The following PADI2 variants were observed in gnomAD, a reference collection of about 807,000 sequenced individuals.
The protein encoded by PADI2 is protein-arginine deiminase type-2.
A neutral mutation model predicts 81.1 loss-of-function variants in PADI2; 70 were observed. That is an observed-to-expected ratio of 0.86 (90% confidence interval 0.71 to 1.05). PADI2 has a LOEUF of 1.05. Ranked by LOEUF, PADI2 falls within the 50% of genes least tolerant of loss-of-function variation. PADI2 has a pLI of 0.00. For synonymous variants in PADI2, 338 were observed against 358.0 expected, an observed-to-expected ratio of 0.94 and a Z score of 0.63; for missense variants, 853 against 889.9, an observed-to-expected ratio of 0.96 and a Z score of 0.53.
intron 6 of PADI2, among the ~76,000 whole-genome samples, chr1:17,089,859 G>A (rs1418819401): frequency 6.6e-6 from 1 of 152,110 alleles, no homozygotes; most frequent in Non-Finnish European, 1.5e-5. Flanking sequence ...CCAGGCATTG[G>A]CTGGCACGTG....
chr1:17,098,278 T>C (rs1931017569), intron 3 of PADI2, among the ~76,000 whole-genome samples: 1 of 152,166 alleles, frequency 6.6e-6, no homozygotes, highest in African/African-American at 2.4e-5. Context: ...AAGTGCCCAT[T>C]TCCCCACCTT....
chr1:17,079,310 T>G lies in PADI2; in HGVS notation c.1264A>C (p.Lys422Gln), dbSNP rs1253863330. The change falls in exon 11 of 16, where the codon AAG (lysine) becomes CAG (glutamine). Residue 422 changes from lysine to glutamine, a missense_variant. By Grantham distance (53) the Lys-to-Gln change is moderately conservative. Coordinates refer to ENST00000375486, the MANE Select transcript of PADI2 (RefSeq NM_007365.3). Reference protein sequence around the residue: ...EVSPPVTVNGKTYPLGRILIG... With the variant: ...EVSPPVTVNGQTYPLGRILIG... ...AGGATGCGGCCAAGCGGGTATGTCT[T>G]GCCGTTCACGGTCACTGGGGGACTG... The G allele has an allele frequency of 6.2e-7, 1 of 1,614,106 alleles. No homozygotes were observed. The highest frequency in any genetic ancestry group is 2.2e-5 in the East Asian group (1 of 44,870).
chr1:17,119,186 C>A lies in PADI2; in HGVS notation c.92+94G>T. 2 of 871,752 alleles carry A rather than the reference C, an allele frequency of 2.3e-6. No individual in the cohort carries two copies. The highest frequency in any genetic ancestry group is 3.2e-5 in the Admixed American group (1 of 31,006). 54.0% of individuals were successfully genotyped at this position (871,752 alleles called of 1,614,324 possible). On this transcript the variant is annotated intron_variant, in intron 1 of 15. Transcript: ENST00000375486. The surrounding 1 kb of genome is among the most constrained non-coding windows in gnomAD (Gnocchi z 4.8). ...GGCTCGGGATGAGGGACAACTCGGGCTGGACAAAGGCTGTCCACGTCCCCG... is the reference window on the plus strand; with the variant it reads ...GGCTCGGGATGAGGGACAACTCGGGATGGACAAAGGCTGTCCACGTCCCCG...
intron 6 of PADI2, among the ~76,000 whole-genome samples, chr1:17,090,806 G>A (rs1445122215): frequency 2.6e-5 from 4 of 152,008 alleles, no homozygotes; most frequent in Non-Finnish European, 4.4e-5. Context: ...ACCCATCTCA[G>A]ATGGCAAGTG....
At chr1:17,106,448 CT>C (rs1163064553) in intron 1 of PADI2, among the ~76,000 whole-genome samples, 298 of 141,008 alleles carry the variant, frequency 2.1e-3, no homozygotes, top group Non-Finnish European at 1.9e-3. Context: ...TTTTCTTCTT[CT>C]TTTTTTTTTT....
Position 17,082,605 on chromosome 1 carries a change from G to A in PADI2, c.1098C>T (p.Pro366=), listed in dbSNP as rs749150877. ...GYIEAPHKGF[P]VVLDSPRDGN... ...CATCTCGGGGAGAGTCCAGCACCAC[G>A]GGGAAGCCTTTATGGGGGGCCTCGA... The change falls in exon 10 of 16, where the codon CCC becomes CCT. Residue 366 remains proline, a synonymous_variant. Coordinates refer to ENST00000375486, the MANE Select transcript of PADI2 (RefSeq NM_007365.3). 24 of 1,611,686 alleles carry A rather than the reference G, an allele frequency of 1.5e-5. No homozygotes were observed. Among genetic ancestry groups the A allele is most frequent in the Admixed American group, 1.2e-4 (7 of 59,336 alleles).
intron 6 of PADI2, among the ~76,000 whole-genome samples, chr1:17,087,478 A>ATGTT (rs934200103): frequency 1.3e-4 from 18 of 136,036 alleles, no homozygotes; most frequent in South Asian, 2.4e-4. Flanking sequence ...CAGTCTTTTT[A>ATGTT]TGTTTGTTTG....
Position 17,092,391 on chromosome 1 carries a change from G to A in PADI2, c.655+17C>T. On this transcript the variant is annotated intron_variant, in intron 6 of 15. Transcript: ENST00000375486. ...TGGCTAGAAAGGTCTAGGCTGGACT[G>A]GGCTGGGATCACTCACTCTCCACGT... 1 of 1,593,074 alleles carries A rather than the reference G, an allele frequency of 6.3e-7. No individual in the cohort carries two copies. The highest frequency in any genetic ancestry group is 1.1e-5 in the South Asian group (1 of 88,618).
chr1:17,110,327 G>A (rs1931531713), intron 1 of PADI2, among the ~76,000 whole-genome samples: 1 of 152,122 alleles, frequency 6.6e-6, no homozygotes, highest in Non-Finnish European at 1.5e-5. Context: ...TGGAGGGACA[G>A]GCTGCCAATC....
At chr1:17,104,430 T>C (rs936001311) in intron 2 of PADI2, among the ~76,000 whole-genome samples, 5 of 106,542 alleles carry the variant, frequency 4.7e-5, no homozygotes, top group Admixed American at 2.2e-4. Flanking sequence ...TTTTGCCTTT[T>C]CTTTTTTTTT....
chr1:17,104,896 G>A lies in PADI2; in HGVS notation c.258C>T (p.Thr86=), dbSNP rs147295126. The A allele has an allele frequency of 1.4e-4, 229 of 1,581,696 alleles. No individual in the cohort carries two copies. In the African/African-American group the frequency reaches 2.0e-3, roughly 14 times the overall value. The part of the protein sequence containing the change: ...TLRVTMSQAS[T]EASSDKVTVN... ...GTGGTACCTTGTCACTGCTGGCCTC[G>A]GTGCTCGCCTGGCTCATGGTGACCC... Residue 86 remains threonine (T), a synonymous_variant, in exon 2 of 16, where the codon ACC becomes ACT. Coordinates refer to ENST00000375486, the MANE Select transcript of PADI2 (RefSeq NM_007365.3).
chr1:17,119,406 G>C lies in PADI2; in HGVS notation c.-35C>G. 6.7e-7 allele frequency: 1 copy of C among 1,487,436 alleles called. No individual in the cohort carries two copies. The allele number at this position is 1,487,436 out of a possible 1,614,324, so 92.1% of individuals were successfully genotyped here. On this transcript the variant is annotated 5_prime_UTR_variant, in exon 1 of 16. Transcript: ENST00000375486. The surrounding 1 kb of genome is among the most constrained non-coding windows in gnomAD (Gnocchi z 4.8). ...CGCAGTGCCCGCGCTCGCTGGTCCG[G>C]GGCGGCCGGGAGCACCTGCAGCAGG...
In PADI2 at chr1:17,069,181, G is replaced by A. The variant is rs1268779053; in HGVS notation, c.1861C>T (p.Leu621Phe). The stretch of plus-strand genomic sequence containing the variant: ...CATTCGAGGCCCAGGGGCTCCAGGA[G>A]GCCACGCACGTGCATCTCCAGGCAG... ...ECCLEMHVRG[L>F]LEPLGLECTF... The change falls in exon 16 of 16, where the codon CTC (leucine) becomes TTC (phenylalanine). Residue 621 changes from leucine (L) to phenylalanine (F), a missense_variant. Physicochemically the swap from Leu to Phe is conservative, Grantham distance 22. Coordinates refer to ENST00000375486, the MANE Select transcript of PADI2 (RefSeq NM_007365.3). 1 of 1,614,106 alleles carries A rather than the reference G, an allele frequency of 6.2e-7. No individual in the cohort carries two copies. Among genetic ancestry groups the A allele is most frequent in the African/African-American group, 1.3e-5 (1 of 74,950 alleles).
chr1:17,078,438 C>T (rs995718038), intron 11 of PADI2, among the ~76,000 whole-genome samples: 3 of 150,942 alleles, frequency 2.0e-5, no homozygotes, highest in Non-Finnish European at 3.0e-5. Flanking sequence ...GTCTCTCTCT[C>T]ACCCAGGCTG....
intron 13 of PADI2, 141 bp from the exon 14 acceptor site, chr1:17,071,632 G>A: frequency 1.5e-6 from 1 of 671,700 alleles, no homozygotes; most frequent in Non-Finnish European, 2.6e-6. Flanking sequence ...TGGATCACAG[G>A]AGGGCACTCC....
At chr1:17,092,930 T>C (rs4920499) in intron 5 of PADI2, among the ~76,000 whole-genome samples, 132,271 of 138,510 alleles carry the variant, frequency 0.95, 63,101 homozygotes, top group East Asian at 1. Context: ...GCTTGGGCAA[T>C]AGAACAAGGC....
chr1:17,085,942 G>A (rs1044418484), intron 7 of PADI2, among the ~76,000 whole-genome samples: 9 of 152,192 alleles, frequency 5.9e-5, no homozygotes, highest in South Asian at 2.1e-4. Flanking sequence ...AGCACAGCAC[G>A]CCCTCAGTGA....
chr1:17,074,267 C>CT (rs1467189662), intron 13 of PADI2, among the ~76,000 whole-genome samples: 2 of 151,968 alleles, frequency 1.3e-5, no homozygotes, highest in Non-Finnish European at 2.9e-5. Context: ...TGGTGCCTGC[C>CT]TGTAATCCCA....
At chr1:17,105,255 T>C (rs936457281) in intron 1 of PADI2, among the ~76,000 whole-genome samples, 194 bp from the exon 2 acceptor site, 1 of 152,090 alleles carries the variant, frequency 6.6e-6, no homozygotes, top group Non-Finnish European at 1.5e-5. Flanking sequence ...CTGGGCATGC[T>C]GGTGCACACC....
Sources: gnomAD v4.1 joint callset for allele counts (sites outside exome capture counted in the v4.1 genomes callset) on GRCh38, gnomAD v4.1.1 for gene constraint, Gnocchi (gnomAD v3.1) non-coding constraint, MANE v1.5 for transcripts, NCBI Gene and HGNC (gene_info 2026-07-23, HGNC 2026-07-21) for gene names.